The following MTMR10 variants were observed in gnomAD, a reference collection of about 807,000 sequenced individuals.
MTMR10 encodes myotubularin related protein 10.
MTMR10 carries 56 observed loss-of-function variants against 88.1 expected under a neutral mutation model. The observed-to-expected ratio is 0.64, with a 90% CI of 0.51 to 0.79. The LOEUF (loss-of-function observed/expected upper bound fraction) is 0.79, where lower values mean the gene tolerates loss of function less well. Ranked by LOEUF, MTMR10 falls within the 30% of genes least tolerant of loss-of-function variation. The probability of loss-of-function intolerance (pLI) is 0.00; values close to 1 mark genes in which losing one functional copy is unlikely to be tolerated. For missense variants in MTMR10, 883 were observed against 924.7 expected (o/e 0.95, Z 0.58); for synonymous variants, 380 against 340.9 (o/e 1.11, Z -1.26).
At position 30,939,978 on chromosome 15, in the gene MTMR10, A is replaced by C. The variant is rs2062983592; in HGVS notation, c.*1492T>G. 2.0e-6 allele frequency: 2 copies of C among 981,072 alleles called. No individual in the cohort carries two copies. Among genetic ancestry groups the C allele is most frequent in the Non-Finnish European group, 2.4e-6 (2 of 825,958 alleles). 60.8% of individuals were successfully genotyped at this position (981,072 alleles called of 1,614,324 possible). On this transcript the variant is annotated 3_prime_UTR_variant, in exon 16 of 16. Coordinates refer to ENST00000435680, the MANE Select transcript of MTMR10 (RefSeq NM_017762.3). The stretch of plus-strand genomic sequence containing the variant: ...TCCTGTTATATCCAGAGACATTATC[A>C]AATTTTAAAAGGCAAATAATTCAAA...
At chr15:30,977,024 A>C (rs2030204076) in intron 2 of MTMR10, 69 bp from the exon 3 acceptor site, 1 of 1,482,614 alleles carries the variant, frequency 6.7e-7, no homozygotes, top group Non-Finnish European at 9.3e-7. Flanking sequence ...TGGGACCTAG[A>C]AGGAGTGTTT....
At chr15:30,955,322 G>A (rs1267416276) in intron 9 of MTMR10, among the ~76,000 whole-genome samples, 1 of 152,176 alleles carries the variant, frequency 6.6e-6, no homozygotes, top group Admixed American at 6.5e-5. Context: ...CCAGGCTGGA[G>A]TGCAGTGGCA....
intron 2 of MTMR10, among the ~76,000 whole-genome samples, chr15:30,984,771 G>A (rs1012077521): frequency 2.6e-5 from 4 of 152,134 alleles, no homozygotes; most frequent in African/African-American, 7.2e-5. Flanking sequence ...CTGTAGATGC[G>A]AACAGGGAAA....
chr15:30,990,712 G>A, intron 2 of MTMR10, 65 bp downstream of exon 2: 2 of 1,348,474 alleles, frequency 1.5e-6, no homozygotes, highest in East Asian at 2.4e-5. Flanking sequence ...GATACTAGTC[G>A]GCAGAATAAT....
At chr15:30,926,949 T>C in the MTMR10 span, 2 of 985,222 alleles carry the variant, frequency 2.0e-6, no homozygotes, top group South Asian at 9.4e-5. Flanking sequence ...TTCTGGGAGG[T>C]GATTTCTGAA....
chr15:30,951,462 G>T (rs1253199541), intron 12 of MTMR10, among the ~76,000 whole-genome samples: 1 of 152,028 alleles, frequency 6.6e-6, no homozygotes, highest in Non-Finnish European at 1.5e-5. Context: ...GTAAAAACTG[G>T]ACTACTTTCT....
At position 30,945,936 on chromosome 15, in the gene MTMR10, G is replaced by A. The variant is rs556467401; in HGVS notation, c.1548+1194C>T. ...CCCCAGTAGCTGGGACCACAGGTGC[G>A]CACCACCATGTCTGGCTAATTTTTG... On this transcript the variant is annotated intron_variant, in intron 14 of 15. Coordinates refer to ENST00000435680, the MANE Select transcript of MTMR10 (RefSeq NM_017762.3). Among the ~76,000 whole-genome samples the A allele has an allele frequency of 6.6e-5, 10 of 152,292 alleles. No homozygotes were observed. The South Asian group carries it at 1.0e-3, about 16-fold the overall frequency.
At chr15:30,990,909 G>C (rs938086604) in intron 1 of MTMR10, 72 bp from the exon 2 acceptor site, 4 of 1,300,830 alleles carry the variant, frequency 3.1e-6, no homozygotes, top group Admixed American at 4.4e-5. Flanking sequence ...AGCAAATGTT[G>C]TTTTCTAAGT....
chr15:30,946,894 T>C (rs1335137310), intron 14 of MTMR10: 2 of 606,170 alleles, frequency 3.3e-6, no homozygotes, highest in East Asian at 5.6e-5. Flanking sequence ...TTTACATCTT[T>C]AAAGGGGTTT....
intron 11 of MTMR10, among the ~76,000 whole-genome samples, 189 bp from the exon 12 acceptor site, chr15:30,952,227 C>A (rs1462434498): frequency 6.6e-6 from 1 of 152,240 alleles, no homozygotes; most frequent in African/African-American, 2.4e-5. Flanking sequence ...GTGTGGCTGA[C>A]TGGCAGCTGT....
chr15:30,953,375 A>G (rs956159998), intron 11 of MTMR10, among the ~76,000 whole-genome samples, 187 bp downstream of exon 11: 1 of 152,164 alleles, frequency 6.6e-6, no homozygotes, highest in Non-Finnish European at 1.5e-5. Context: ...GGTGAGTAAG[A>G]GCTATCCAGT....
chr15:30,948,218 T>G (rs1221552817), intron 13 of MTMR10, 84 bp downstream of exon 13: 1 of 1,309,480 alleles, frequency 7.6e-7, no homozygotes, highest in Admixed American at 2.8e-5. Context: ...CAGTATTTTT[T>G]AAAAGCCCCT....
the MTMR10 span, chr15:30,928,590 T>C: frequency 2.5e-6 from 4 of 1,613,348 alleles, no homozygotes; most frequent in African/African-American, 5.4e-5. Flanking sequence ...GCACCCTGTA[T>C]GGCCTCCTCC....
chr15:30,937,741 A>AGCCAC (rs2062901905), downstream of MTMR10, among the ~76,000 whole-genome samples: 1 of 151,764 alleles, frequency 6.6e-6, no homozygotes, highest in Admixed American at 6.6e-5. Flanking sequence ...ACAGGCATTG[A>AGCCAC]GCCACTGTAC....
chr15:30,939,750 A>C lies in MTMR10; in HGVS notation c.*1720T>G, dbSNP rs759875323. The C allele has an allele frequency of 5.1e-6, 5 of 984,826 alleles. No individual in the cohort carries two copies. The highest frequency in any genetic ancestry group is 6.1e-5 in the Admixed American group (1 of 16,268). The allele number at this position is 984,826 out of a possible 1,614,324, so 61.0% of individuals were successfully genotyped here. On this transcript the variant is annotated 3_prime_UTR_variant, in exon 16 of 16. Coordinates refer to ENST00000435680, the MANE Select transcript of MTMR10 (RefSeq NM_017762.3). ...AAAAGCAGCTAAATGAAAAAGGGAG[A>C]ATTGTGATTACACTGTCAATGGCAG...
At position 30,951,979 on chromosome 15, in the gene MTMR10, A is replaced by G. The variant is rs1312818928; in HGVS notation, c.1196T>C (p.Val399Ala). ...VYMLESKHLS[V>A]VLQEEEGRDL... The stretch of plus-strand genomic sequence containing the variant: ...GTTACTTTAGTTACCTTGTAGGACT[A>G]CAGAGAGATGTTTGCTTTCTAGCAT... Residue 399 changes from valine (V) to alanine (A), a missense_variant, in exon 12 of 16, where the codon GTA (valine) becomes GCA (alanine). By Grantham distance (64) the Val-to-Ala change is moderately conservative. Transcript: ENST00000435680. The G allele has an allele frequency of 1.9e-6, 3 of 1,613,572 alleles. No individual in the cohort carries two copies. The South Asian group carries it at 3.3e-5, about 18-fold the overall frequency.
At chr15:30,987,238 G>A (rs931677969) in intron 2 of MTMR10, among the ~76,000 whole-genome samples, 1 of 152,120 alleles carries the variant, frequency 6.6e-6, no homozygotes, top group African/African-American at 2.4e-5. Context: ...TGTGTGCCTG[G>A]GTAAGGTAAC....
chr15:30,934,000 T>G (rs1184706169), downstream of MTMR10, among the ~76,000 whole-genome samples: 1 of 152,010 alleles, frequency 6.6e-6, no homozygotes, highest in Non-Finnish European at 1.5e-5. Context: ...GGGCTCCACG[T>G]TGGCCTCCCA....
At chr15:30,948,811 T>G (rs2063205965) in intron 12 of MTMR10, 1 of 306,310 alleles carries the variant, frequency 3.3e-6, no homozygotes. Context: ...AAGGTAATCT[T>G]TCTACTGACA....
Sources: gnomAD v4.1 joint callset for allele counts (sites outside exome capture counted in the v4.1 genomes callset) on GRCh38, gnomAD v4.1.1 for gene constraint, MANE v1.5 for transcripts, NCBI Gene and HGNC (gene_info 2026-07-23, HGNC 2026-07-21) for gene names.